Variants in BIN3 observed in about 807,000 individuals in gnomAD.
The protein encoded by BIN3 is bridging integrator 3.
In BIN3, 41 loss-of-function variants were observed where a neutral mutation model predicts 38.2. The observed-to-expected ratio is 1.07, with a 90% CI of 0.84 to 1.39. The LOEUF (loss-of-function observed/expected upper bound fraction) is 1.39. Among genes scored for constraint, BIN3 ranks in the 40% most tolerant of loss-of-function variants. BIN3 has a pLI of 0.00. For missense variants in BIN3, 361 were observed against 324.3 expected, an observed-to-expected ratio of 1.11 and a Z score of -0.87; for synonymous variants, 145 against 122.6, an observed-to-expected ratio of 1.18 and a Z score of -1.21.
At chr8:22,665,496 C>T (rs1461141065) in intron 1 of BIN3, among the ~76,000 whole-genome samples, 2 of 152,170 alleles carry the variant, frequency 1.3e-5, no homozygotes, top group Non-Finnish European at 2.9e-5. Context: ...CCCAGTGCAG[C>T]ATGGCAGGGT....
chr8:22,649,812 A>AACACAC (rs571224082), intron 1 of BIN3, among the ~76,000 whole-genome samples: 25 of 89,244 alleles, frequency 2.8e-4, no homozygotes, highest in South Asian at 9.6e-4. Flanking sequence ...CGCAAAGGAC[A>AACACAC]ACACACACAC....
intron 2 of BIN3, among the ~76,000 whole-genome samples, chr8:22,637,958 C>T (rs1302828870): frequency 1.3e-5 from 2 of 152,186 alleles, no homozygotes; most frequent in Non-Finnish European, 2.9e-5. Context: ...CCAAGGTCAC[C>T]CCATTGGTGA....
chr8:22,630,269 A>C (rs1014179926), intron 5 of BIN3, among the ~76,000 whole-genome samples, 173 bp downstream of exon 5: 7 of 152,228 alleles, frequency 4.6e-5, no homozygotes, highest in African/African-American at 1.7e-4. Context: ...GAGCCAAGGC[A>C]GAACAGTCTG....
chr8:22,622,721 G>C (rs1211970874), intron 8 of BIN3: 1 of 152,358 alleles, frequency 6.6e-6, no homozygotes, highest in Non-Finnish European at 1.5e-5. Flanking sequence ...GAGGGAGGGT[G>C]CAGGGCAGCA....
intron 2 of BIN3, among the ~76,000 whole-genome samples, chr8:22,637,676 C>T (rs1802416718): frequency 1.3e-5 from 2 of 152,198 alleles, no homozygotes; most frequent in Admixed American, 1.3e-4. Context: ...GGTGCCTTGA[C>T]TTCACTATCT....
chr8:22,638,300 C>A (rs1405946623), intron 2 of BIN3, among the ~76,000 whole-genome samples: 1 of 152,212 alleles, frequency 6.6e-6, no homozygotes, highest in African/African-American at 2.4e-5. Flanking sequence ...GACAAAACAG[C>A]ATTTATGCTA....
Position 22,630,300 on chromosome 8 carries a change from C to T in BIN3, c.297+142G>A, listed in dbSNP as rs371335584. The T allele has an allele frequency of 2.2e-4, 279 of 1,248,432 alleles. 1 individual carries two copies. In the South Asian group the frequency reaches 3.9e-3, roughly 17 times the overall value. The allele number at this position is 1,248,432 out of a possible 1,614,324, so 77.3% of individuals were successfully genotyped here. A position where few individuals can be genotyped will look rare whatever the true frequency, so the allele number is the denominator to read the frequency against. ...GTCTGGAAAGAGCCCTGTGGGCTTG[C>T]AGCACCTTGCAGCACACGAGGCCAG... On this transcript the variant is annotated intron_variant, in intron 5 of 8. Coordinates refer to ENST00000276416, the MANE Select transcript of BIN3 (RefSeq NM_018688.6).
chr8:22,628,742 G>A (rs749983736), intron 6 of BIN3, among the ~76,000 whole-genome samples: 3 of 152,164 alleles, frequency 2.0e-5, no homozygotes, highest in Non-Finnish European at 4.4e-5. Flanking sequence ...GTCCGTCTCT[G>A]GGACCCCTGT....
chr8:22,650,742 G>T (rs955945717), intron 1 of BIN3, among the ~76,000 whole-genome samples: 1 of 152,086 alleles, frequency 6.6e-6, no homozygotes, highest in Non-Finnish European at 1.5e-5. Context: ...CCTCTAGATC[G>T]TTAGGTTTTT....
chr8:22,668,506 G>A (rs1236896786), intron 1 of BIN3, among the ~76,000 whole-genome samples: 1 of 152,190 alleles, frequency 6.6e-6, no homozygotes, highest in Non-Finnish European at 1.5e-5. Context: ...ACAGTGGAAG[G>A]GTGTGTGCGG....
At chr8:22,668,109 G>T (rs1803484749) in intron 1 of BIN3, among the ~76,000 whole-genome samples, 1 of 152,158 alleles carries the variant, frequency 6.6e-6, no homozygotes, top group Non-Finnish European at 1.5e-5. Context: ...AATCCCCTGA[G>T]GTCCAGGGTT....
At chr8:22,622,155 G>A (rs1801846123) in intron 8 of BIN3, among the ~76,000 whole-genome samples, 2 of 152,244 alleles carry the variant, frequency 1.3e-5, no homozygotes, top group South Asian at 4.1e-4. Context: ...GGGACACAGG[G>A]TTGAGGGTGG....
At chr8:22,664,791 A>G (rs146409204) in intron 1 of BIN3, among the ~76,000 whole-genome samples, 10 of 152,372 alleles carry the variant, frequency 6.6e-5, no homozygotes, top group African/African-American at 1.9e-4. Flanking sequence ...ATAAGCATGA[A>G]GTCAGACAAA....
At chr8:22,652,698 C>T (rs757701378) in intron 1 of BIN3, among the ~76,000 whole-genome samples, 17 of 152,126 alleles carry the variant, frequency 1.1e-4, no homozygotes, top group Admixed American at 4.6e-4. Flanking sequence ...TACAAATAGG[C>T]ATGAAAGTGA....
Position 22,620,757 on chromosome 8 carries a change from A to G in BIN3, c.*665T>C, listed in dbSNP as rs1443134559. The G allele has an allele frequency of 6.6e-6, 1 of 152,150 alleles. No homozygotes were observed. Among genetic ancestry groups the G allele is most frequent in the Non-Finnish European group, 1.5e-5 (1 of 68,026 alleles). The allele number at this position is 152,150 out of a possible 1,614,324, so 9.4% of individuals were successfully genotyped here. A position where few individuals can be genotyped will look rare whatever the true frequency, so the allele number is the denominator to read the frequency against. On this transcript the variant is annotated 3_prime_UTR_variant, in exon 9 of 9. Coordinates refer to ENST00000276416, the MANE Select transcript of BIN3 (RefSeq NM_018688.6). ...TACTTGAAAAAATAAAATTCCAGAT[A>G]CTCAGGTGAGACACAAACCCACTGT...
At chr8:22,650,588 G>A (rs967399450) in intron 1 of BIN3, among the ~76,000 whole-genome samples, 3 of 152,258 alleles carry the variant, frequency 2.0e-5, no homozygotes, top group Admixed American at 1.3e-4. Flanking sequence ...AGTGTGCACA[G>A]TCTAATAAGG....
chr8:22,661,922 C>T (rs919097662), intron 1 of BIN3, among the ~76,000 whole-genome samples: 5 of 137,102 alleles, frequency 3.6e-5, no homozygotes, highest in African/African-American at 1.2e-4. Context: ...TCTTGAGTAG[C>T]GGGGATTACA....
Position 22,630,073 on chromosome 8 carries a change from C to T in BIN3, c.298-69G>A, listed in dbSNP as rs1049933265. ...GAGGGCGACACGCAAGGCAGGGCCCCTAACTACCAAAGGGCTAGGAAGTCT... is the reference window on the plus strand; with the variant it reads ...GAGGGCGACACGCAAGGCAGGGCCCTTAACTACCAAAGGGCTAGGAAGTCT... On this transcript the variant is annotated intron_variant, in intron 5 of 8. Coordinates refer to ENST00000276416, the MANE Select transcript of BIN3 (RefSeq NM_018688.6). 6.2e-6 allele frequency: 9 copies of T among 1,457,718 alleles called. No homozygotes were observed. In the African/African-American group the frequency reaches 9.8e-5, roughly 16 times the overall value. 90.3% of individuals were successfully genotyped at this position (1,457,718 alleles called of 1,614,324 possible). A position where few individuals can be genotyped will look rare whatever the true frequency, so the allele number is the denominator to read the frequency against.
At chr8:22,624,163 C>T (rs981141274) in intron 7 of BIN3, 59 bp downstream of exon 7, 1 of 1,593,322 alleles carries the variant, frequency 6.3e-7, no homozygotes, top group Non-Finnish European at 8.6e-7. Context: ...GAGGGACTTA[C>T]CACAGGTGAC....
Sources: allele counts gnomAD v4.1 joint callset (sites outside exome capture counted in the v4.1 genomes callset), GRCh38; gene constraint gnomAD v4.1.1; transcripts MANE v1.5; gene names NCBI Gene and HGNC (gene_info 2026-07-23, HGNC 2026-07-21).